Variants in SLIT3 observed in about 807,000 individuals in gnomAD.
The protein encoded by SLIT3 is slit guidance ligand 3, also known as slit homolog 3 protein.
SLIT3 carries 68 observed loss-of-function variants against 184.0 expected under a neutral mutation model. That is an observed-to-expected ratio of 0.37 (90% CI 0.30 to 0.45). The LOEUF is 0.45. Ranked by LOEUF, SLIT3 falls within the 20% of genes least tolerant of loss-of-function variation. The probability of loss-of-function intolerance (pLI) is 1.00; values close to 1 mark genes in which losing one functional copy is unlikely to be tolerated. For missense variants in SLIT3, 1,707 were observed against 2,026.0 expected, an observed-to-expected ratio of 0.84 and a Z score of 3.02; for synonymous variants, 831 against 828.6, an observed-to-expected ratio of 1.00 and a Z score of -0.05.
chr5:169,294,925 T>C (rs1030385871), intron 1 of SLIT3, among the ~76,000 whole-genome samples: 1 of 152,132 alleles, frequency 6.6e-6, no homozygotes, highest in African/African-American at 2.4e-5. Context: ...AAAGGTACCA[T>C]CAAAGTATGG....
intron 4 of SLIT3, among the ~76,000 whole-genome samples, chr5:168,965,153 A>G (rs1370192245): frequency 6.6e-6 from 1 of 152,236 alleles, no homozygotes; most frequent in Non-Finnish European, 1.5e-5. Context: ...TCACTCTCAA[A>G]GGGTAGAAAT....
chr5:168,719,629 C>CAAGGA (rs1762873767), intron 23 of SLIT3, among the ~76,000 whole-genome samples: 2 of 152,192 alleles, frequency 1.3e-5, no homozygotes, highest in Non-Finnish European at 2.9e-5. Flanking sequence ...AACATTTCCC[C>CAAGGA]ACTGTGGCCC....
chr5:168,900,515 G>A (rs867269296), intron 4 of SLIT3, among the ~76,000 whole-genome samples: 3 of 152,040 alleles, frequency 2.0e-5, no homozygotes, highest in Non-Finnish European at 4.4e-5. Context: ...CACAAGAGGT[G>A]GAGGTAGGAG....
At chr5:168,805,045 T>A (rs1756908643) in intron 9 of SLIT3, among the ~76,000 whole-genome samples, 1 of 152,254 alleles carries the variant, frequency 6.6e-6, no homozygotes, top group African/African-American at 2.4e-5. Flanking sequence ...TTTCTTATTT[T>A]ATTTTTCTCC....
At chr5:168,866,896 T>C (rs974520297) in intron 5 of SLIT3, among the ~76,000 whole-genome samples, 1 of 152,226 alleles carries the variant, frequency 6.6e-6, no homozygotes, top group Non-Finnish European at 1.5e-5. Context: ...AGGTACTACC[T>C]TTAGTCTCTA....
intron 1 of SLIT3, among the ~76,000 whole-genome samples, chr5:169,271,448 C>T (rs1288642337): frequency 6.6e-6 from 1 of 152,156 alleles, no homozygotes; most frequent in African/African-American, 2.4e-5. Flanking sequence ...AGGCTCCTCT[C>T]TTGAATGGCT....
intron 16 of SLIT3, among the ~76,000 whole-genome samples, chr5:168,758,806 T>C (rs1360120251): frequency 1.3e-5 from 2 of 151,954 alleles, no homozygotes; most frequent in Non-Finnish European, 2.9e-5. Flanking sequence ...GCATGGGTAA[T>C]GAGAAAAAAA....
At chr5:168,847,525 C>G (rs553562516) in intron 5 of SLIT3, among the ~76,000 whole-genome samples, 5 of 152,140 alleles carry the variant, frequency 3.3e-5, no homozygotes, top group African/African-American at 1.2e-4. Flanking sequence ...TCAGCGTATT[C>G]GTAAAAAGCC....
intron 4 of SLIT3, among the ~76,000 whole-genome samples, chr5:169,045,934 G>A (rs1757608063): frequency 6.6e-6 from 1 of 152,142 alleles, no homozygotes; most frequent in Non-Finnish European, 1.5e-5. Context: ...TTTGTGCATT[G>A]CTATATCTCT....
chr5:169,082,137 G>A (rs1163825837), intron 4 of SLIT3, among the ~76,000 whole-genome samples: 1 of 152,076 alleles, frequency 6.6e-6, no homozygotes, highest in Admixed American at 6.5e-5. Flanking sequence ...TCCTTAGCAG[G>A]GACTCCACAG....
intron 14 of SLIT3, chr5:168,768,315 T>A: frequency 2.1e-6 from 1 of 468,860 alleles, no homozygotes; most frequent in South Asian, 1.5e-5. Flanking sequence ...GGAAGCAGCG[T>A]GGAGAAGCGG....
rs376824479 is a variant in SLIT3 at position 168,747,941 on chromosome 5, TGA to T, written c.2270+359_2270+360del. Reference sequence around the variant, plus strand: ...TCCTGCACTGCTGCCGGGATCAGACTGAGAGACTGCTGAGGAGTCTTAGGAAG... The same window carrying T: ...TCCTGCACTGCTGCCGGGATCAGACTGAGACTGCTGAGGAGTCTTAGGAAG... On this transcript the variant is annotated intron_variant, in intron 20 of 35. Coordinates refer to ENST00000519560, the MANE Select transcript of SLIT3 (RefSeq NM_003062.4). Among the ~76,000 whole-genome samples, 22 of 152,172 alleles carry T rather than the reference TGA, an allele frequency of 1.4e-4. 1 individual carries two copies. The South Asian group carries it at 4.6e-3, about 32-fold the overall frequency.
chr5:168,906,759 G>A (rs11748729), intron 4 of SLIT3, among the ~76,000 whole-genome samples: 59,885 of 151,886 alleles, frequency 0.39, 13,546 homozygotes, highest in East Asian at 0.63. Flanking sequence ...TTTATAGGTT[G>A]TGTGTGTTTG....
chr5:168,806,383 G>T, intron 9 of SLIT3, 63 bp downstream of exon 9: 1 of 1,590,102 alleles, frequency 6.3e-7, no homozygotes, highest in Non-Finnish European at 8.6e-7. Context: ...TGGGTGATGG[G>T]CTGGGACAGG....
rs747466083 is a variant in SLIT3 at position 168,696,364 on chromosome 5, C to T, written c.3010G>A (p.Asp1004Asn). 6 of 1,614,150 alleles carry T rather than the reference C, an allele frequency of 3.7e-6. No individual in the cohort carries two copies. Among genetic ancestry groups the T allele is most frequent in the South Asian group, 1.1e-5 (1 of 91,078 alleles). Residue 1004 changes from aspartate (D) to asparagine (N), a missense_variant, in exon 28 of 36, where the codon GAC becomes AAC. By Grantham distance (23) the Asp-to-Asn change is conservative (BLOSUM62 1). Coordinates refer to ENST00000519560, the MANE Select transcript of SLIT3 (RefSeq NM_003062.4). ...EINPDDCEDN[D>N]CENNATCVDG... ...ACGCAGGTGGCATTGTTTTCGCAGTCGTTGTCCTCACAGTCATCTGGGTTG... is the reference window on the plus strand; with the variant it reads ...ACGCAGGTGGCATTGTTTTCGCAGTTGTTGTCCTCACAGTCATCTGGGTTG...
intron 4 of SLIT3, among the ~76,000 whole-genome samples, chr5:169,189,229 T>C (rs1763460411): frequency 6.6e-6 from 1 of 152,084 alleles, no homozygotes; most frequent in Non-Finnish European, 1.5e-5. Context: ...AGCAAAATCC[T>C]AAGGGAATCC....
At chr5:168,919,517 A>G (rs886398601) in intron 4 of SLIT3, among the ~76,000 whole-genome samples, 7 of 152,206 alleles carry the variant, frequency 4.6e-5, no homozygotes, top group East Asian at 3.9e-4. Context: ...ATCTGATTCC[A>G]TTTGATTCTG....
At chr5:168,973,697 A>G (rs75974670) in intron 4 of SLIT3, among the ~76,000 whole-genome samples, 1 of 152,182 alleles carries the variant, frequency 6.6e-6, no homozygotes, top group Non-Finnish European at 1.5e-5. Context: ...CATTACTTCA[A>G]AAAGAAGCCC....
chr5:168,871,935 C>T (rs1201144916), intron 5 of SLIT3, among the ~76,000 whole-genome samples: 1 of 152,174 alleles, frequency 6.6e-6, no homozygotes, highest in East Asian at 1.9e-4. Context: ...ATGTCAACCT[C>T]CTCAGAGATT....
Sources: allele counts gnomAD v4.1 joint callset (sites outside exome capture counted in the v4.1 genomes callset), GRCh38; gene constraint gnomAD v4.1.1; transcripts MANE v1.5; gene names NCBI Gene and HGNC (gene_info 2026-07-23, HGNC 2026-07-21).